The following CMIP variants were observed in gnomAD, a reference collection of about 807,000 sequenced individuals.
The protein encoded by CMIP is C-Maf-inducing protein.
CMIP carries 13 observed loss-of-function variants against 97.3 expected under a neutral mutation model. The observed-to-expected ratio is 0.13, with a 90% CI of 0.09 to 0.21. The LOEUF is 0.21. Among genes scored for constraint, CMIP ranks in the 10% least tolerant of loss-of-function variants. CMIP has a pLI of 1.00. For synonymous variants in CMIP, 538 were observed against 436.3 expected (o/e 1.23, Z -2.91); for missense variants, 847 against 1,024.9 (o/e 0.83, Z 2.37).
chr16:81,673,747 A>T (rs950512849), intron 9 of CMIP, among the ~76,000 whole-genome samples: 3 of 152,172 alleles, frequency 2.0e-5, no homozygotes, highest in South Asian at 2.1e-4. Flanking sequence ...CCATTAGTTT[A>T]TGGGGAACTT....
At chr16:81,667,803 T>TCA (rs2092625087) in intron 7 of CMIP, among the ~76,000 whole-genome samples, 2 of 96,852 alleles carry the variant, frequency 2.1e-5, no homozygotes, top group African/African-American at 9.4e-5. Context: ...AGAGAGAGTG[T>TCA]GTGTGTGTGT....
intron 1 of CMIP, among the ~76,000 whole-genome samples, chr16:81,585,995 A>T (rs928236812): frequency 6.6e-6 from 1 of 152,134 alleles, no homozygotes; most frequent in Non-Finnish European, 1.5e-5. Flanking sequence ...CTGTTAGTGA[A>T]CGTGTGGTCC....
intron 1 of CMIP, chr16:81,476,196 G>C (rs182357211): frequency 7.7e-7 from 1 of 1,305,244 alleles, no homozygotes. Context: ...ACTGGGAACC[G>C]TTTGTGTTGG....
chr16:81,532,858 A>G (rs1349468659), intron 1 of CMIP, among the ~76,000 whole-genome samples: 5 of 152,192 alleles, frequency 3.3e-5, no homozygotes, highest in Non-Finnish European at 5.9e-5. Flanking sequence ...CTCTCTGCCC[A>G]GACAGCATGG....
At chr16:81,446,621 C>T (rs1251259629) in intron 1 of CMIP, among the ~76,000 whole-genome samples, 1 of 151,992 alleles carries the variant, frequency 6.6e-6, no homozygotes, top group East Asian at 1.9e-4. Flanking sequence ...GTTTACTAAG[C>T]GCAGTGGGAG....
At chr16:81,449,306 G>A (rs1906061020) in intron 1 of CMIP, among the ~76,000 whole-genome samples, 1 of 152,180 alleles carries the variant, frequency 6.6e-6, no homozygotes, top group Non-Finnish European at 1.5e-5. Flanking sequence ...CCACTCTGCT[G>A]TTTGATTGCA....
At chr16:81,653,877 T>A (rs543196921) in intron 4 of CMIP, among the ~76,000 whole-genome samples, 1 of 152,334 alleles carries the variant, frequency 6.6e-6, no homozygotes, top group South Asian at 2.1e-4. Flanking sequence ...CCTCCCAAAG[T>A]GAGACAGCCT....
rs532194637 is a variant in CMIP, at chr16:81,539,805, C to T, written c.301-67762C>T. Reference sequence around the variant, plus strand: ...ACTGGACCTTCCATGACCATTCCCCCACCACAGGACAGTCATTCTCTTTAT... The same window carrying T: ...ACTGGACCTTCCATGACCATTCCCCTACCACAGGACAGTCATTCTCTTTAT... On this transcript the variant is annotated intron_variant, in intron 1 of 20. Transcript: ENST00000537098. Among the ~76,000 whole-genome samples, 6 of 152,342 alleles carry T rather than the reference C, an allele frequency of 3.9e-5. No homozygotes were observed. The South Asian group carries it at 1.2e-3, about 32-fold the overall frequency.
chr16:81,471,994 A>T (rs1907587357), intron 1 of CMIP, among the ~76,000 whole-genome samples: 3 of 152,228 alleles, frequency 2.0e-5, no homozygotes, highest in Admixed American at 1.3e-4. Context: ...GTGAAACCTC[A>T]GCTCAGGGGG....
intron 1 of CMIP, among the ~76,000 whole-genome samples, chr16:81,455,018 G>A (rs1597445036): frequency 6.6e-6 from 1 of 152,244 alleles, no homozygotes; most frequent in East Asian, 1.9e-4. Context: ...AGACGGCATA[G>A]GAATTAAAGA....
chr16:81,674,693 CTCCTGCCTCAGCT>C (rs1281635454), intron 9 of CMIP, among the ~76,000 whole-genome samples: 1 of 152,158 alleles, frequency 6.6e-6, no homozygotes, highest in Non-Finnish European at 1.5e-5. Flanking sequence ...TCAAGCGATT[CTCCTGCCTCAGCT>C]TCCTGAGTAG....
chr16:81,490,989 C>T (rs891565558), intron 1 of CMIP, among the ~76,000 whole-genome samples: 13 of 152,220 alleles, frequency 8.5e-5, no homozygotes, highest in Admixed American at 2.6e-4. Context: ...GGGGTCCAGC[C>T]TGCACACAGT....
chr16:81,485,366 T>G (rs1597467064), intron 1 of CMIP, among the ~76,000 whole-genome samples: 1 of 152,358 alleles, frequency 6.6e-6, no homozygotes, highest in Non-Finnish European at 1.5e-5. Flanking sequence ...TATTTCTACC[T>G]TTTGTTTTCT....
chr16:81,634,173 C>G (rs764519560), intron 3 of CMIP, among the ~76,000 whole-genome samples: 7 of 152,218 alleles, frequency 4.6e-5, no homozygotes, highest in Non-Finnish European at 1.0e-4. Context: ...GACTGTGATG[C>G]ACCCCAGCGT....
At position 81,676,101 on chromosome 16, in the gene CMIP, G is replaced by T. The variant is rs142029075; in HGVS notation, c.1035-2174G>T. Among the ~76,000 whole-genome samples, 225 of 152,314 alleles carry T rather than the reference G, an allele frequency of 1.5e-3. 1 individual carries two copies. Among genetic ancestry groups the T allele is most frequent in the African/African-American group, 4.9e-3 (203 of 41,580 alleles). Reference sequence around the variant, plus strand: ...GGGGGCAGGCGTGACCCTGGGGAACGGTTAGGTGGCTGTGGCAAGGAGATG... The same window carrying T: ...GGGGGCAGGCGTGACCCTGGGGAACTGTTAGGTGGCTGTGGCAAGGAGATG... On this transcript the variant is annotated intron_variant, in intron 9 of 20. Transcript: ENST00000537098.
intron 3 of CMIP, among the ~76,000 whole-genome samples, chr16:81,638,343 C>G (rs931407619): frequency 6.6e-6 from 1 of 152,202 alleles, no homozygotes; most frequent in Admixed American, 6.5e-5. Flanking sequence ...AGGAGTTTGC[C>G]TCTCTTAGTG....
chr16:81,577,683 CATT>C (rs1341131001), intron 1 of CMIP, among the ~76,000 whole-genome samples: 3 of 150,122 alleles, frequency 2.0e-5, no homozygotes, highest in Non-Finnish European at 4.4e-5. Flanking sequence ...ATTACCACTA[CATT>C]ATTATCACTA....
chr16:81,626,521 G>A (rs1320861775), intron 3 of CMIP, among the ~76,000 whole-genome samples: 1 of 150,548 alleles, frequency 6.6e-6, no homozygotes, highest in East Asian at 2.0e-4. Flanking sequence ...ATGTGTGTGT[G>A]TGGTGTGTGG....
At chr16:81,524,756 CT>C (rs2090095763) in intron 1 of CMIP, among the ~76,000 whole-genome samples, 1 of 152,152 alleles carries the variant, frequency 6.6e-6, no homozygotes, top group African/African-American at 2.4e-5. Context: ...GTAACTGCGC[CT>C]TCCCATGTTC....
Sources: allele counts gnomAD v4.1 joint callset (sites outside exome capture counted in the v4.1 genomes callset), GRCh38; gene constraint gnomAD v4.1.1; transcripts MANE v1.5; gene names NCBI Gene and HGNC (gene_info 2026-07-23, HGNC 2026-07-21).